Variants in DLG2 observed in about 807,000 individuals in gnomAD.
DLG2 encodes disks large homolog 2.
A neutral mutation model predicts 132.5 loss-of-function variants in DLG2; 45 were observed. The observed-to-expected ratio is 0.34, with a 90% CI of 0.27 to 0.44. The LOEUF (loss-of-function observed/expected upper bound fraction) is 0.44. Among genes scored for constraint, DLG2 ranks in the 20% least tolerant of loss-of-function variants. DLG2 has a pLI of 1.00. For synonymous variants in DLG2, 424 were observed against 419.6 expected (o/e 1.01, Z -0.13); for missense variants, 1,045 against 1,196.9 (o/e 0.87, Z 1.87).
intron 8 of DLG2, among the ~76,000 whole-genome samples, chr11:84,209,846 T>C (rs914512708): frequency 6.6e-6 from 1 of 152,234 alleles, no homozygotes; most frequent in African/African-American, 2.4e-5. Context: ...GGCTCCCTTA[T>C]ACACTGCTGG....
At chr11:83,675,863 CCTA>C (rs1335353867) in intron 18 of DLG2, among the ~76,000 whole-genome samples, 5 of 152,202 alleles carry the variant, frequency 3.3e-5, no homozygotes, top group African/African-American at 1.2e-4. Flanking sequence ...CTAGCAAACT[CCTA>C]CTCTTCCTGG....
chr11:85,398,512 C>G (rs923203777), intron 3 of DLG2, among the ~76,000 whole-genome samples: 1 of 151,862 alleles, frequency 6.6e-6, no homozygotes, highest in Non-Finnish European at 1.5e-5. Flanking sequence ...AAAATATCAA[C>G]AAAATTGATA....
At chr11:85,564,115 A>T (rs1267394207) in intron 3 of DLG2, among the ~76,000 whole-genome samples, 1 of 152,056 alleles carries the variant, frequency 6.6e-6, no homozygotes, top group African/African-American at 2.4e-5. Flanking sequence ...TTCCATTATT[A>T]CATGGTTTGC....
rs1653080604 is a variant in DLG2 at position 85,458,521 on chromosome 11, T to G, written c.40+140136A>C. Among the ~76,000 whole-genome samples the G allele has an allele frequency of 2.6e-5, 4 of 152,154 alleles. No individual in the cohort carries two copies. In the South Asian group the frequency reaches 6.2e-4, roughly 24 times the overall value. ...ACACTGGCTTTTTGAGTTGCCAGAG[T>G]TCTCGCACTGGTTCTTTTTCATCTG... On this transcript the variant is annotated intron_variant, in intron 3 of 27. Coordinates refer to ENST00000376104, the MANE Select transcript of DLG2 (RefSeq NM_001142699.3).
intron 3 of DLG2, among the ~76,000 whole-genome samples, chr11:85,503,290 C>T (rs2093847675): frequency 6.6e-6 from 1 of 152,054 alleles, no homozygotes; most frequent in African/African-American, 2.4e-5. Flanking sequence ...TCTTACTCCC[C>T]TACTTTGAGC....
chr11:83,966,226 A>G (rs1344549528), intron 12 of DLG2, among the ~76,000 whole-genome samples: 1 of 151,990 alleles, frequency 6.6e-6, no homozygotes, highest in African/African-American at 2.4e-5. Flanking sequence ...GGAAAGATGA[A>G]CCGGTTTACT....
intron 17 of DLG2, among the ~76,000 whole-genome samples, chr11:83,801,387 TTTC>T (rs2044336783): frequency 6.6e-6 from 1 of 152,206 alleles, no homozygotes. Flanking sequence ...TGCTAAAATC[TTTC>T]TTTTGGCTCC....
chr11:83,462,693 G>A (rs2090260511), intron 26 of DLG2, among the ~76,000 whole-genome samples: 1 of 152,150 alleles, frequency 6.6e-6, no homozygotes, highest in Admixed American at 6.5e-5. Context: ...GAGAAGAACT[G>A]TAATGTTCCC....
chr11:83,793,503 A>C (rs1316652110), intron 17 of DLG2, among the ~76,000 whole-genome samples: 1 of 152,238 alleles, frequency 6.6e-6, no homozygotes, highest in Non-Finnish European at 1.5e-5. Flanking sequence ...TTTCCTTTAC[A>C]GCATAAGATT....
intron 4 of DLG2, among the ~76,000 whole-genome samples, chr11:85,237,450 A>T (rs557903902): frequency 6.6e-6 from 1 of 152,026 alleles, no homozygotes; most frequent in South Asian, 2.1e-4. Context: ...TACACAGTTG[A>T]CCCTTAAACA....
chr11:83,983,365 C>A (rs190889921), intron 11 of DLG2, among the ~76,000 whole-genome samples: 349 of 151,976 alleles, frequency 2.3e-3, no homozygotes, highest in Non-Finnish European at 3.8e-3. Context: ...TTTAGAAAAA[C>A]CACACACCTA....
At chr11:85,438,812 C>G (rs1319931856) in intron 3 of DLG2, among the ~76,000 whole-genome samples, 1 of 152,174 alleles carries the variant, frequency 6.6e-6, no homozygotes, top group East Asian at 1.9e-4. Context: ...CACCTCTTGT[C>G]CTTTTATAAC....
At chr11:83,541,599 A>G in intron 20 of DLG2, 83 bp downstream of exon 20, 1 of 1,213,338 alleles carries the variant, frequency 8.2e-7, no homozygotes. Flanking sequence ...TTTTGTGAAC[A>G]GTTTCTCCCA....
chr11:83,974,443 C>T (rs773485655), intron 12 of DLG2, among the ~76,000 whole-genome samples: 2 of 101,954 alleles, frequency 2.0e-5, no homozygotes, highest in African/African-American at 3.9e-5. Flanking sequence ...GTATATTCCA[C>T]TAAACACTAG....
chr11:85,425,325 T>C (rs2090629939), intron 3 of DLG2, among the ~76,000 whole-genome samples: 1 of 152,128 alleles, frequency 6.6e-6, no homozygotes, highest in South Asian at 2.1e-4. Context: ...CTTATAATTT[T>C]CAAAAAAGTT....
chr11:85,063,052 T>G (rs1054268063), intron 6 of DLG2, among the ~76,000 whole-genome samples: 3 of 151,802 alleles, frequency 2.0e-5, no homozygotes, highest in African/African-American at 7.3e-5. Context: ...TAACAAAATC[T>G]TATATTAAAG....
At chr11:84,309,149 A>G (rs761125277) in intron 7 of DLG2, among the ~76,000 whole-genome samples, 3 of 152,200 alleles carry the variant, frequency 2.0e-5, no homozygotes, top group Non-Finnish European at 4.4e-5. Flanking sequence ...CCAGGAACAT[A>G]CAATTTACTC....
chr11:84,187,701 AT>A (rs2096306449), intron 8 of DLG2, among the ~76,000 whole-genome samples: 1 of 152,074 alleles, frequency 6.6e-6, no homozygotes, highest in African/African-American at 2.4e-5. Flanking sequence ...GATAAAAAAA[AT>A]AAAGACTGCT....
At chr11:84,794,727 G>A (rs1474898375) in intron 6 of DLG2, among the ~76,000 whole-genome samples, 1 of 152,202 alleles carries the variant, frequency 6.6e-6, no homozygotes, top group Non-Finnish European at 1.5e-5. Context: ...GGAAAATTGA[G>A]GCCAAGCCCA....
Sources: gnomAD v4.1 joint callset for allele counts (sites outside exome capture counted in the v4.1 genomes callset) on GRCh38, gnomAD v4.1.1 for gene constraint, MANE v1.5 for transcripts, NCBI Gene and HGNC (gene_info 2026-07-23, HGNC 2026-07-21) for gene names.